The following STX8 variants were observed in gnomAD, a reference collection of about 807,000 sequenced individuals.
STX8 encodes the protein syntaxin-8.
A neutral mutation model predicts 37.5 loss-of-function variants in STX8; 23 were observed. The observed-to-expected ratio is 0.61, with a 90% CI of 0.44 to 0.87. The LOEUF is 0.87. Ranked by LOEUF, STX8 falls within the 40% of genes least tolerant of loss-of-function variation. The pLI is 0.00. For synonymous variants in STX8, 115 were observed against 99.1 expected (o/e 1.16, Z -0.95); for missense variants, 313 against 284.7 (o/e 1.10, Z -0.71).
chr17:9,535,490 T>G (rs989191199), intron 4 of STX8, among the ~76,000 whole-genome samples: 1 of 127,412 alleles, frequency 7.8e-6, no homozygotes, highest in Admixed American at 1.0e-4. Context: ...TGGAGTGCAG[T>G]GGCGCAATCT....
chr17:9,563,915 T>C (rs965140210), intron 2 of STX8, among the ~76,000 whole-genome samples: 4 of 152,194 alleles, frequency 2.6e-5, no homozygotes, highest in Non-Finnish European at 5.9e-5. Context: ...GCTTTATCCC[T>C]GGGATGCAAG....
chr17:9,492,043 G>A, intron 5 of STX8, 122 bp from the exon 6 acceptor site: 2 of 616,404 alleles, frequency 3.2e-6, no homozygotes, highest in South Asian at 3.2e-5. Context: ...AAAGAGAAAA[G>A]AGTTAACATT....
chr17:9,382,432 T>G (rs964736063), intron 6 of STX8, among the ~76,000 whole-genome samples: 12 of 152,228 alleles, frequency 7.9e-5, no homozygotes, highest in Non-Finnish European at 1.6e-4. Flanking sequence ...CGCAAGATTT[T>G]TTTTCTTTTT....
chr17:9,468,445 T>G (rs1905710081), intron 6 of STX8, among the ~76,000 whole-genome samples: 1 of 152,190 alleles, frequency 6.6e-6, no homozygotes. Context: ...AATAAACATC[T>G]TACGAAAATG....
chr17:9,451,808 G>A (rs1013457434), intron 6 of STX8, among the ~76,000 whole-genome samples: 2 of 152,096 alleles, frequency 1.3e-5, no homozygotes, highest in African/African-American at 4.8e-5. Context: ...GAGAGAGAGA[G>A]AGATGGACAC....
rs1201931604 is a variant in STX8, at chr17:9,273,627, G to A, written c.644-22982C>T. Among the ~76,000 whole-genome samples, 8 of 152,254 alleles carry A rather than the reference G, an allele frequency of 5.3e-5. No individual in the cohort carries two copies. The East Asian group carries it at 1.5e-3, about 29-fold the overall frequency. On this transcript the variant is annotated intron_variant, in intron 7 of 7. Coordinates refer to ENST00000306357, the MANE Select transcript of STX8 (RefSeq NM_004853.3). ...ATCCTTTCCTCATGGCGCTACGCAGGTTAACACTGTCTGACTTTGTCTTCG... is the reference window on the plus strand; with the variant it reads ...ATCCTTTCCTCATGGCGCTACGCAGATTAACACTGTCTGACTTTGTCTTCG...
At chr17:9,456,245 G>A (rs150578495) in intron 6 of STX8, among the ~76,000 whole-genome samples, 226 of 152,316 alleles carry the variant, frequency 1.5e-3, no homozygotes, top group African/African-American at 5.2e-3. Context: ...GAGGAAGTGA[G>A]GCTAAGCAAG....
At chr17:9,535,832 C>G (rs920884262) in intron 4 of STX8, among the ~76,000 whole-genome samples, 2 of 152,164 alleles carry the variant, frequency 1.3e-5, no homozygotes, top group Admixed American at 6.5e-5. Context: ...GAAAACAATA[C>G]TCGCATATAT....
At chr17:9,400,552 A>G (rs1159674698) in intron 6 of STX8, among the ~76,000 whole-genome samples, 3 of 151,768 alleles carry the variant, frequency 2.0e-5, no homozygotes, top group Non-Finnish European at 4.4e-5. Context: ...TTACAGGCAC[A>G]CACCACCACG....
chr17:9,389,943 C>A (rs1253351254), intron 6 of STX8, among the ~76,000 whole-genome samples: 1 of 152,040 alleles, frequency 6.6e-6, no homozygotes, highest in Non-Finnish European at 1.5e-5. Flanking sequence ...AACAGGGACA[C>A]AAGGAAAAAC....
chr17:9,361,895 A>T (rs1412744342), intron 7 of STX8, among the ~76,000 whole-genome samples: 3 of 152,224 alleles, frequency 2.0e-5, no homozygotes, highest in Non-Finnish European at 4.4e-5. Context: ...GACTTTAATA[A>T]CCCTACAAAC....
chr17:9,281,937 G>A (rs1461947053), intron 7 of STX8, among the ~76,000 whole-genome samples: 1 of 152,144 alleles, frequency 6.6e-6, no homozygotes, highest in South Asian at 2.1e-4. Flanking sequence ...CCATCTAAGA[G>A]CTCAGGTATG....
chr17:9,284,853 C>T (rs1487962601), intron 7 of STX8, among the ~76,000 whole-genome samples: 4 of 152,040 alleles, frequency 2.6e-5, no homozygotes, highest in Non-Finnish European at 5.9e-5. Flanking sequence ...TTCTAGGGGC[C>T]GAAACACGCA....
chr17:9,435,933 G>A (rs1376745751), intron 6 of STX8, among the ~76,000 whole-genome samples: 2 of 152,062 alleles, frequency 1.3e-5, no homozygotes, highest in Non-Finnish European at 2.9e-5. Context: ...GGAGGGATGA[G>A]AGAAAAACAG....
At chr17:9,411,652 G>A (rs150630454) in intron 6 of STX8, among the ~76,000 whole-genome samples, 9 of 152,262 alleles carry the variant, frequency 5.9e-5, no homozygotes, top group Non-Finnish European at 1.0e-4. Context: ...TAACAGGATC[G>A]TTTCCTCACT....
Position 9,380,371 on chromosome 17 carries a change from A to C in STX8, c.542-1718T>G, listed in dbSNP as rs549571981. ...AGGCTCTAGCAATCCTCCCATCTCA[A>C]CCTCCTGAGTAGCTGAGACTGTAAG... On this transcript the variant is annotated intron_variant, in intron 6 of 7. Transcript: ENST00000306357. 2.2e-3 allele frequency among the ~76,000 whole-genome samples: 329 copies of C among 146,960 alleles called. 1 individual carries two copies. The highest frequency in any genetic ancestry group is 3.8e-3 in the Non-Finnish European group (253 of 66,866).
intron 6 of STX8, among the ~76,000 whole-genome samples, chr17:9,429,981 A>ATATATT (rs1288089664): frequency 1.1e-4 from 1 of 8,866 alleles, no homozygotes; most frequent in South Asian, 4.0e-3. Context: ...TATTATATAG[A>ATATATT]ATATATTATA....
At chr17:9,327,055 G>A (rs1909777937) in intron 7 of STX8, among the ~76,000 whole-genome samples, 1 of 151,970 alleles carries the variant, frequency 6.6e-6, no homozygotes, top group Admixed American at 6.6e-5. Context: ...TATTCGGGAG[G>A]CTGAGGCAGG....
At chr17:9,265,467 G>A (rs1907202462) in intron 7 of STX8, among the ~76,000 whole-genome samples, 1 of 152,252 alleles carries the variant, frequency 6.6e-6, no homozygotes, top group African/African-American at 2.4e-5. Flanking sequence ...AATGCACATT[G>A]CCCCTGCCAC....
Sources: gnomAD v4.1 joint callset for allele counts (sites outside exome capture counted in the v4.1 genomes callset) on GRCh38, gnomAD v4.1.1 for gene constraint, MANE v1.5 for transcripts, NCBI Gene and HGNC (gene_info 2026-07-23, HGNC 2026-07-21) for gene names.